Variants in LSAMP observed in about 807,000 individuals in gnomAD.
LSAMP encodes limbic system-associated membrane protein.
A neutral mutation model predicts 38.6 loss-of-function variants in LSAMP; 7 were observed. That is an observed-to-expected ratio of 0.18 (90% CI 0.10 to 0.34). The LOEUF (loss-of-function observed/expected upper bound fraction) is 0.34, where lower values mean the gene tolerates loss of function less well. Among genes scored for constraint, LSAMP ranks in the 10% least tolerant of loss-of-function variants. LSAMP has a pLI of 1.00. For synonymous variants in LSAMP, 154 were observed against 166.8 expected (o/e 0.92, Z 0.59); for missense variants, 313 against 420.0 (o/e 0.75, Z 2.23).
At chr3:116,219,634 A>G (rs1241108004) in intron 1 of LSAMP, among the ~76,000 whole-genome samples, 2 of 152,224 alleles carry the variant, frequency 1.3e-5, no homozygotes, top group Non-Finnish European at 2.9e-5. Flanking sequence ...CATCAAACTA[A>G]AAACCTTCTG....
intron 1 of LSAMP, among the ~76,000 whole-genome samples, chr3:116,115,282 A>G (rs1322685610): frequency 6.6e-6 from 1 of 152,276 alleles, no homozygotes; most frequent in African/African-American, 2.4e-5. Context: ...CACAGCTCAA[A>G]TATATTTACA....
intron 1 of LSAMP, among the ~76,000 whole-genome samples, chr3:116,179,792 G>T (rs1576415140): frequency 6.6e-6 from 1 of 152,232 alleles, no homozygotes; most frequent in East Asian, 1.9e-4. Context: ...TGAAATTTGG[G>T]CAAGGATAAA....
intron 1 of LSAMP, among the ~76,000 whole-genome samples, chr3:116,092,338 G>A (rs1301881402): frequency 1.3e-5 from 2 of 152,068 alleles, no homozygotes; most frequent in African/African-American, 4.8e-5. Context: ...ATGTGTTCCT[G>A]TGTCCACTAT....
chr3:115,969,635 T>C (rs16824359), intron 3 of LSAMP, among the ~76,000 whole-genome samples: 2,454 of 152,316 alleles, frequency 0.016, 48 homozygotes, highest in African/African-American at 0.054. Flanking sequence ...CTTGGTATCA[T>C]TCGTTTGTTT....
chr3:116,326,238 T>C (rs140067324), intron 1 of LSAMP, among the ~76,000 whole-genome samples: 1 of 152,260 alleles, frequency 6.6e-6, no homozygotes, highest in East Asian at 1.9e-4. Context: ...TTTTGTATCC[T>C]TGAGCAGTAA....
intron 3 of LSAMP, among the ~76,000 whole-genome samples, chr3:115,866,608 GTAAA>G (rs1218839790): frequency 2.0e-5 from 3 of 152,086 alleles, no homozygotes; most frequent in Non-Finnish European, 4.4e-5. Context: ...AAGTTAATCT[GTAAA>G]TAGATGAGAA....
chr3:116,429,309 T>C (rs1174429585), intron 1 of LSAMP, among the ~76,000 whole-genome samples: 1 of 152,168 alleles, frequency 6.6e-6, no homozygotes, highest in Non-Finnish European at 1.5e-5. Flanking sequence ...ATACAAATAG[T>C]AAGAAAGCAA....
chr3:116,384,428 T>C (rs72950188), intron 1 of LSAMP, among the ~76,000 whole-genome samples: 11,296 of 152,114 alleles, frequency 0.074, 446 homozygotes, highest in African/African-American at 0.095. Flanking sequence ...CTCAGCCCAA[T>C]TGAATCAGAA....
intron 1 of LSAMP, among the ~76,000 whole-genome samples, chr3:116,353,440 C>T (rs994386237): frequency 2.0e-5 from 3 of 151,922 alleles, no homozygotes; most frequent in Admixed American, 6.6e-5. Flanking sequence ...TTAATTACTT[C>T]GTATGCAAAA....
intron 1 of LSAMP, among the ~76,000 whole-genome samples, chr3:116,355,033 C>A (rs1247049014): frequency 6.6e-6 from 1 of 152,052 alleles, no homozygotes; most frequent in African/African-American, 2.4e-5. Flanking sequence ...AACAGTGATT[C>A]AAATAAGTAG....
At chr3:116,257,055 G>A (rs2046761621) in intron 1 of LSAMP, among the ~76,000 whole-genome samples, 2 of 152,248 alleles carry the variant, frequency 1.3e-5, no homozygotes, top group African/African-American at 2.4e-5. Flanking sequence ...TTCATGGGAC[G>A]GTGTGTGCTC....
At chr3:116,383,554 G>A (rs1386581670) in intron 1 of LSAMP, among the ~76,000 whole-genome samples, 1 of 152,120 alleles carries the variant, frequency 6.6e-6, no homozygotes, top group East Asian at 1.9e-4. Flanking sequence ...GGGCTCTTAA[G>A]TGCCTGTCCA....
intron 1 of LSAMP, among the ~76,000 whole-genome samples, chr3:116,347,382 T>C (rs1460871238): frequency 1.3e-5 from 2 of 152,174 alleles, no homozygotes; most frequent in African/African-American, 4.8e-5. Flanking sequence ...TCACCAGACT[T>C]ACAGGCAAAT....
chr3:116,285,776 C>CT (rs1013769998), intron 1 of LSAMP, among the ~76,000 whole-genome samples: 1 of 151,982 alleles, frequency 6.6e-6, no homozygotes, highest in Admixed American at 6.6e-5. Context: ...GAAATGCCTT[C>CT]TTTTTTTTCC....
At chr3:116,013,559 G>A (rs1017961695) in intron 3 of LSAMP, among the ~76,000 whole-genome samples, 2 of 152,098 alleles carry the variant, frequency 1.3e-5, no homozygotes, top group African/African-American at 4.8e-5. Flanking sequence ...TTCTCTGTGA[G>A]TGTATGTGTG....
At chr3:116,405,834 T>C (rs1451432543) in intron 1 of LSAMP, among the ~76,000 whole-genome samples, 1 of 152,094 alleles carries the variant, frequency 6.6e-6, no homozygotes, top group Non-Finnish European at 1.5e-5. Context: ...TCCACCTTTC[T>C]GATCTGTTGG....
intron 1 of LSAMP, among the ~76,000 whole-genome samples, chr3:116,338,520 A>C (rs985160096): frequency 8.5e-5 from 13 of 152,068 alleles, no homozygotes; most frequent in African/African-American, 3.1e-4. Flanking sequence ...TGAAAACCAG[A>C]TAGGCAGGTA....
At chr3:116,060,531 C>T (rs1000260469) in intron 2 of LSAMP, among the ~76,000 whole-genome samples, 2 of 152,148 alleles carry the variant, frequency 1.3e-5, no homozygotes, top group Non-Finnish European at 2.9e-5. Context: ...GAGGCTGAGG[C>T]GGGTGGATCA....
chr3:116,161,214 G>A (rs1441356433), intron 1 of LSAMP, among the ~76,000 whole-genome samples: 1 of 152,146 alleles, frequency 6.6e-6, no homozygotes, highest in Non-Finnish European at 1.5e-5. Flanking sequence ...ACCCACCACA[G>A]TGAGGAAGCA....
Sources: gnomAD v4.1 joint callset for allele counts (sites outside exome capture counted in the v4.1 genomes callset) on GRCh38, gnomAD v4.1.1 for gene constraint, MANE v1.5 for transcripts, NCBI Gene and HGNC (gene_info 2026-07-23, HGNC 2026-07-21) for gene names.